Variants in HEBP2 observed in about 807,000 individuals in gnomAD.
HEBP2 encodes heme binding protein 2.
A neutral mutation model predicts 23.1 loss-of-function variants in HEBP2; 27 were observed. The observed-to-expected ratio is 1.17, with a 90% CI of 0.86 to 1.61. The LOEUF (loss-of-function observed/expected upper bound fraction) is 1.61, where lower values mean the gene tolerates loss of function less well. Among genes scored for constraint, HEBP2 ranks in the 40% most tolerant of loss-of-function variants. The probability of loss-of-function intolerance (pLI) is 0.00; values close to 1 mark genes in which losing one functional copy is unlikely to be tolerated. For synonymous variants in HEBP2, 99 were observed against 95.1 expected, an observed-to-expected ratio of 1.04 and a Z score of -0.24; for missense variants, 245 against 253.8, an observed-to-expected ratio of 0.97 and a Z score of 0.24.
chr6:138,412,977 G>C lies in HEBP2; in HGVS notation c.517G>C (p.Val173Leu), dbSNP rs764284301. The C allele has an allele frequency of 3.7e-6, 6 of 1,614,032 alleles. No individual in the cohort carries two copies. Among genetic ancestry groups the C allele is most frequent in the Non-Finnish European group, 5.1e-6 (6 of 1,179,932 alleles). Reference sequence around the variant, plus strand: ...AGATGGAAAAGTTTTCGATGAGAAGGTTTACTACACTGCAGGCTACAACAG... The same window carrying C: ...AGATGGAAAAGTTTTCGATGAGAAGCTTTACTACACTGCAGGCTACAACAG... ...REDGKVFDEK[V>L]YYTAGYNSPV... The change falls in exon 4 of 4, where the codon GTT becomes CTT. Residue 173 changes from valine to leucine, a missense_variant. Transcript: ENST00000607197.
Position 138,417,542 on chromosome 6 carries a change from T to A in HEBP2, c.*4464T>A, listed in dbSNP as rs1774859439. On this transcript the variant is annotated 3_prime_UTR_variant, in exon 4 of 4. Coordinates refer to ENST00000607197, the MANE Select transcript of HEBP2 (RefSeq NM_014320.3). Reference sequence around the variant, plus strand: ...TCTGCGAGAAGGGGGAATAATGAGGTGAGTCCAGTGATTGCTCAGGCGAAT... The same window carrying A: ...TCTGCGAGAAGGGGGAATAATGAGGAGAGTCCAGTGATTGCTCAGGCGAAT... 6.6e-6 allele frequency: 1 copy of A among 152,206 alleles called. No homozygotes were observed. Among genetic ancestry groups the A allele is most frequent in the Non-Finnish European group, 1.5e-5 (1 of 68,070 alleles). The allele number at this position is 152,206 out of a possible 1,614,324, so 9.4% of individuals were successfully genotyped here. A position where few individuals can be genotyped will look rare whatever the true frequency, so the allele number is the denominator to read the frequency against.
At chr6:138,405,328 G>T (rs761768246) in intron 2 of HEBP2, 48 bp downstream of exon 2, 4 of 1,605,450 alleles carry the variant, frequency 2.5e-6, no homozygotes, top group Non-Finnish European at 3.4e-6. Context: ...AAGAGTCCCC[G>T]GGCTTATTAT....
intron 2 of HEBP2, 102 bp downstream of exon 2, chr6:138,405,382 T>G (rs1774626527): frequency 1.4e-6 from 2 of 1,426,510 alleles, no homozygotes; most frequent in Non-Finnish European, 1.9e-6. Flanking sequence ...AATGGAAAAA[T>G]AAGCAAGTCA....
intron 1 of HEBP2, 91 bp from the exon 2 acceptor site, chr6:138,405,054 A>T: frequency 7.7e-6 from 11 of 1,430,136 alleles, no homozygotes; most frequent in Non-Finnish European, 1.1e-5. Flanking sequence ...GGACGGCTCC[A>T]GGTCGACCCG....
At chr6:138,403,566 G>A (rs1774573650), upstream of HEBP2, 5 of 474,358 alleles carry the variant, frequency 1.1e-5, no homozygotes, top group Non-Finnish European at 1.5e-5. Flanking sequence ...TGCCCACGAT[G>A]GGAGTCCTCT....
intron 3 of HEBP2, chr6:138,412,143 G>C (rs1019796518): frequency 4.8e-6 from 2 of 420,658 alleles, no homozygotes; most frequent in African/African-American, 4.2e-5. Context: ...GCTTCTACAG[G>C]GGTGTTGGTG....
intron 3 of HEBP2, among the ~76,000 whole-genome samples, chr6:138,408,887 A>G (rs1774695428): frequency 6.6e-6 from 1 of 151,946 alleles, no homozygotes; most frequent in Admixed American, 6.5e-5. Context: ...TGATTTCCCT[A>G]CTTGTTGGAC....
At chr6:138,406,192 T>C in intron 3 of HEBP2, 41 bp downstream of exon 3, 1 of 1,553,492 alleles carries the variant, frequency 6.4e-7, no homozygotes, top group South Asian at 1.1e-5. Flanking sequence ...ACTGCTAGTT[T>C]TACTTGCGTG....
In HEBP2 at chr6:138,404,267, C is replaced by A. The variant is rs544546882; in HGVS notation, c.-229C>A. Reference sequence around the variant, plus strand: ...CGGGGGCAGGACGCGCAACTCCGGCCGGAGCTGTCCGGGGTCGTGAGCCGG... The same window carrying A: ...CGGGGGCAGGACGCGCAACTCCGGCAGGAGCTGTCCGGGGTCGTGAGCCGG... On this transcript the variant is annotated 5_prime_UTR_variant, in exon 1 of 4. Transcript: ENST00000607197. 1.8e-3 allele frequency: 594 copies of A among 327,330 alleles called. 5 individuals carry two copies. The highest frequency in any genetic ancestry group is 0.012 in the African/African-American group (555 of 46,300). 20.3% of individuals were successfully genotyped at this position (327,330 alleles called of 1,614,324 possible).
At chr6:138,412,766 C>T in intron 3 of HEBP2, 114 bp from the exon 4 acceptor site, 2 of 891,728 alleles carry the variant, frequency 2.2e-6, no homozygotes, top group Non-Finnish European at 3.5e-6. Context: ...GAGGGAGTAA[C>T]TTTGGAGCTG....
chr6:138,403,648 AG>A, upstream of HEBP2: 1 of 436,108 alleles, frequency 2.3e-6, no homozygotes, highest in South Asian at 4.9e-5. Flanking sequence ...GCCGGCGGAA[AG>A]GGGGTGCTGG....
Position 138,413,858 on chromosome 6 carries a change from C to T in HEBP2, c.*780C>T, listed in dbSNP as rs1267478419. On this transcript the variant is annotated 3_prime_UTR_variant, in exon 4 of 4. Coordinates refer to ENST00000607197, the MANE Select transcript of HEBP2 (RefSeq NM_014320.3). ...TCCTCTTCACTAACTCCAACAACAT[C>T]TTTCCACCTCCTTAACTATTTCATT... is the stretch of plus-strand genomic sequence containing the variant. The T allele has an allele frequency of 6.6e-6, 1 of 152,246 alleles. No homozygotes were observed. The highest frequency in any genetic ancestry group is 1.5e-5 in the Non-Finnish European group (1 of 68,090). The allele number at this position is 152,246 out of a possible 1,614,324, so 9.4% of individuals were successfully genotyped here.
chr6:138,409,512 A>C (rs1774708187), intron 3 of HEBP2, among the ~76,000 whole-genome samples: 1 of 152,150 alleles, frequency 6.6e-6, no homozygotes, highest in African/African-American at 2.4e-5. Flanking sequence ...AGTTCTTGGC[A>C]CAAGCCTGAC....
At chr6:138,407,790 G>A (rs748373905) in intron 3 of HEBP2, among the ~76,000 whole-genome samples, 2 of 152,212 alleles carry the variant, frequency 1.3e-5, no homozygotes, top group Admixed American at 1.3e-4. Context: ...GACAGAGGTC[G>A]GCACCACATG....
At chr6:138,407,592 A>C (rs1012140609) in intron 3 of HEBP2, among the ~76,000 whole-genome samples, 2 of 152,176 alleles carry the variant, frequency 1.3e-5, no homozygotes, top group Non-Finnish European at 2.9e-5. Context: ...CCAGGCTCGA[A>C]TTGCACACCG....
In HEBP2 at chr6:138,413,175, A is replaced by G. The variant is rs13778; in HGVS notation, c.*97A>G. The G allele has an allele frequency of 0.05, 44,036 of 887,690 alleles. 1,371 individuals are homozygous for G. The highest frequency in any genetic ancestry group is 0.055 in the Non-Finnish European group (30,837 of 559,540). The allele number at this position is 887,690 out of a possible 1,614,324, so 55.0% of individuals were successfully genotyped here. ...GTAAAGTGCGTGTCTAGTGTCTTCT[A>G]TTGAGAGTACTACTATTAATTAAGC... On this transcript the variant is annotated 3_prime_UTR_variant, in exon 4 of 4. Transcript: ENST00000607197.
Position 138,415,319 on chromosome 6 carries a change from TC to T in HEBP2, c.*2242del, listed in dbSNP as rs1554216590. The T allele has an allele frequency of 6.6e-6, 1 of 152,168 alleles. No individual in the cohort carries two copies. Among genetic ancestry groups the T allele is most frequent in the Non-Finnish European group, 1.5e-5 (1 of 68,042 alleles). 9.4% of individuals were successfully genotyped at this position (152,168 alleles called of 1,614,324 possible). A position where few individuals can be genotyped will look rare whatever the true frequency, so the allele number is the denominator to read the frequency against. On this transcript the variant is annotated 3_prime_UTR_variant, in exon 4 of 4. Coordinates refer to ENST00000607197, the MANE Select transcript of HEBP2 (RefSeq NM_014320.3). The stretch of plus-strand genomic sequence containing the variant: ...CATTTGCAGGCTGAGTGACTCACTG[TC>T]TGGCTGGCTCGGAGGCCCCCATCCC...
At chr6:138,406,360 C>T (rs1774645902) in intron 3 of HEBP2, among the ~76,000 whole-genome samples, 1 of 152,204 alleles carries the variant, frequency 6.6e-6, no homozygotes, top group Non-Finnish European at 1.5e-5. Flanking sequence ...GAGTCTATTG[C>T]ATGCCCTTCA....
intron 1 of HEBP2, 116 bp from the exon 2 acceptor site, chr6:138,405,029 T>C: frequency 8.8e-7 from 1 of 1,130,678 alleles, no homozygotes; most frequent in Non-Finnish European, 1.3e-6. Flanking sequence ...CCCGGGGCGG[T>C]GCAGCCCCTA....
Sources: allele counts gnomAD v4.1 joint callset (sites outside exome capture counted in the v4.1 genomes callset), GRCh38; gene constraint gnomAD v4.1.1; transcripts MANE v1.5; gene names NCBI Gene and HGNC (gene_info 2026-07-23, HGNC 2026-07-21).